The following FHIP2A variants were observed in gnomAD, a reference collection of about 807,000 sequenced individuals.
FHIP2A encodes the protein FHF complex subunit HOOK interacting protein 2A.
FHIP2A carries 46 observed loss-of-function variants against 93.5 expected under a neutral mutation model. That is an observed-to-expected ratio of 0.49 (90% CI 0.39 to 0.63). FHIP2A has a LOEUF of 0.63. FHIP2A is among the 20% of genes least tolerant of loss of function. The pLI is 0.00. For synonymous variants in FHIP2A, 332 were observed against 326.5 expected (o/e 1.02, Z -0.18); for missense variants, 769 against 909.7 (o/e 0.85, Z 1.99).
intron 8 of FHIP2A, 40 bp downstream of exon 8, chr10:114,845,521 T>A: frequency 2.5e-6 from 3 of 1,216,008 alleles, no homozygotes; most frequent in South Asian, 1.3e-5. Context: ...TTTTAAGATA[T>A]AAATATCTAT....
Position 114,861,884 on chromosome 10 carries a change from C to A in FHIP2A, c.*344C>A. On this transcript the variant is annotated 3_prime_UTR_variant, in exon 17 of 17. Coordinates refer to ENST00000369248, the MANE Select transcript of FHIP2A (RefSeq NM_020940.4). ...GATGATATTTCTGTTATATTAATGT[C>A]CTTTTAGGTAGCAAGGCATTTTGAC... The A allele has an allele frequency of 1.0e-6, 1 of 993,898 alleles. No individual in the cohort carries two copies. The highest frequency in any genetic ancestry group is 1.2e-6 in the Non-Finnish European group (1 of 835,446). 61.6% of individuals were successfully genotyped at this position (993,898 alleles called of 1,614,324 possible).
chr10:114,885,233 A>G (rs955839415), intron 16 of FHIP2A, among the ~76,000 whole-genome samples: 27 of 152,000 alleles, frequency 1.8e-4, no homozygotes, highest in Non-Finnish European at 3.2e-4. Context: ...CGTCTCTACT[A>G]AAAATACAAA....
At chr10:114,870,183 T>TA (rs2083850179) in intron 16 of FHIP2A, among the ~76,000 whole-genome samples, 1 of 152,180 alleles carries the variant, frequency 6.6e-6, no homozygotes, top group African/African-American at 2.4e-5. Context: ...ATTCAACTAA[T>TA]ACCATTAACT....
chr10:114,839,979 A>G (rs895419049), intron 5 of FHIP2A, among the ~76,000 whole-genome samples: 1 of 152,184 alleles, frequency 6.6e-6, no homozygotes, highest in African/African-American at 2.4e-5. Flanking sequence ...ACTGTAATCT[A>G]AAGTAGAGTA....
chr10:114,839,008 C>A (rs893699341), intron 5 of FHIP2A, among the ~76,000 whole-genome samples: 1 of 152,206 alleles, frequency 6.6e-6, no homozygotes, highest in Non-Finnish European at 1.5e-5. Context: ...TCCTTGAGGA[C>A]AAGGATTCTG....
intron 13 of FHIP2A, among the ~76,000 whole-genome samples, chr10:114,854,184 T>A (rs2083753278): frequency 6.6e-6 from 1 of 151,336 alleles, no homozygotes; most frequent in Admixed American, 6.6e-5. Context: ...CCAACACTTT[T>A]GTAAAATGCA....
rs573478950 is a variant in FHIP2A at position 114,888,353 on chromosome 10, G to A, written c.2193-11137G>A. On this transcript the variant is annotated intron_variant, in intron 16 of 16. Coordinates refer to the FHIP2A transcript ENST00000369250. ...CCCTAATCTAGACTTGGAGGGAGAC[G>A]GGAGGCTGCTCAAAAGAAGTGAAAT... 1.3e-4 allele frequency among the ~76,000 whole-genome samples: 20 copies of A among 152,256 alleles called. No homozygotes were observed. The South Asian group carries it at 3.7e-3, about 28-fold the overall frequency.
chr10:114,833,388 T>C lies in FHIP2A; in HGVS notation c.280T>C (p.Leu94=), dbSNP rs756417022. ...HHKILETLYT[L]GKADCPPGMK... Reference sequence around the variant, plus strand: ...CAAGATCTTGGAAACATTATATACCTTGGGGAAAGCTGATGTAAGTTCCTG... The same window carrying C: ...CAAGATCTTGGAAACATTATATACCCTGGGGAAAGCTGATGTAAGTTCCTG... Residue 94 remains leucine (L), a synonymous_variant, in exon 3 of 17, where the codon TTG becomes CTG. Transcript: ENST00000369248. 1 of 1,613,884 alleles carries C rather than the reference T, an allele frequency of 6.2e-7. No individual in the cohort carries two copies. Among genetic ancestry groups the C allele is most frequent in the Non-Finnish European group, 8.5e-7 (1 of 1,179,890 alleles).
chr10:114,832,107 A>T (rs2083611370), intron 2 of FHIP2A, among the ~76,000 whole-genome samples: 1 of 152,244 alleles, frequency 6.6e-6, no homozygotes, highest in Non-Finnish European at 1.5e-5. Flanking sequence ...TGTATTTTGT[A>T]TTTAAATGTT....
At chr10:114,864,724 ATGTTTTTGT>A, downstream of FHIP2A, 1 of 978,386 alleles carries the variant, frequency 1.0e-6, no homozygotes, top group South Asian at 4.7e-5. Context: ...AAAACGTCTT[ATGTTTTTGT>A]AAAATTCTAA....
At position 114,863,607 on chromosome 10, in the gene FHIP2A, A is replaced by G; in HGVS notation, c.*2067A>G. ...AAGGCTTAAGATTTCATTTGTTTCT[A>G]AGTTTCTGTTTTTCATCCCTTCTTT... On this transcript the variant is annotated 3_prime_UTR_variant, in exon 17 of 17. Coordinates refer to ENST00000369248, the MANE Select transcript of FHIP2A (RefSeq NM_020940.4). 1 of 1,270,054 alleles carries G rather than the reference A, an allele frequency of 7.9e-7. No homozygotes were observed. Among genetic ancestry groups the G allele is most frequent in the Non-Finnish European group, 1.0e-6 (1 of 980,108 alleles). The allele number at this position is 1,270,054 out of a possible 1,614,324, so 78.7% of individuals were successfully genotyped here.
intron 1 of FHIP2A, among the ~76,000 whole-genome samples, chr10:114,830,270 CTTT>C (rs5788083): frequency 3.8e-5 from 4 of 105,474 alleles, no homozygotes; most frequent in Non-Finnish European, 7.6e-5. Context: ...CTGAAACCTA[CTTT>C]TTTTTTTTTT....
At chr10:114,837,090 G>C (rs2083640503) in intron 5 of FHIP2A, among the ~76,000 whole-genome samples, 1 of 151,954 alleles carries the variant, frequency 6.6e-6, no homozygotes, top group Non-Finnish European at 1.5e-5. Flanking sequence ...TTTTTGTAGA[G>C]ACAGTGTCTC....
chr10:114,873,707 G>T (rs1208630314), intron 16 of FHIP2A, among the ~76,000 whole-genome samples: 2 of 152,236 alleles, frequency 1.3e-5, no homozygotes, highest in South Asian at 4.2e-4. Flanking sequence ...TGCTCAAATT[G>T]TTCCAGCTTT....
chr10:114,825,537 A>C (rs1046696890), intron 1 of FHIP2A, among the ~76,000 whole-genome samples: 1 of 152,352 alleles, frequency 6.6e-6, no homozygotes, highest in South Asian at 2.1e-4. Flanking sequence ...ATAAGTTCAC[A>C]CCTTCTTGAT....
intron 16 of FHIP2A, among the ~76,000 whole-genome samples, chr10:114,876,913 C>T (rs2083892314): frequency 6.6e-6 from 1 of 152,218 alleles, no homozygotes; most frequent in Non-Finnish European, 1.5e-5. Context: ...CCCTCCTAAA[C>T]CCTGTAACTA....
rs541927540 is a variant in FHIP2A, at chr10:114,846,678, G to T, written c.1518G>T (p.Leu506Phe). 1 of 1,609,490 alleles carries T rather than the reference G, an allele frequency of 6.2e-7. No individual in the cohort carries two copies. The highest frequency in any genetic ancestry group is 1.7e-5 in the Admixed American group (1 of 58,982). ...EERNYTEYKP[L>F]CPEDKDVVEN... ...GAAATTATACAGAATATAAACCTTTGTGCCCAGAAGATAAAGATGTGGTAG... is the reference window on the plus strand; with the variant it reads ...GAAATTATACAGAATATAAACCTTTTTGCCCAGAAGATAAAGATGTGGTAG... The change falls in exon 11 of 17, where the codon TTG becomes TTT. Residue 506 changes from leucine (L) to phenylalanine (F), a missense_variant. Leu to Phe is a conservative substitution (Grantham distance 22, BLOSUM62 0). Transcript: ENST00000369248.
intron 2 of FHIP2A, among the ~76,000 whole-genome samples, chr10:114,832,784 TCACTG>T (rs1214978691): frequency 6.6e-6 from 1 of 150,824 alleles, no homozygotes; most frequent in Non-Finnish European, 1.5e-5. Flanking sequence ...CGATCTCTGC[TCACTG>T]CAGCCTCCAC....
intron 16 of FHIP2A, among the ~76,000 whole-genome samples, chr10:114,890,355 G>A (rs1287388305): frequency 6.6e-6 from 1 of 151,790 alleles, no homozygotes; most frequent in East Asian, 1.9e-4. Context: ...GAAATTACTT[G>A]TGGAGTTTGA....
Sources: allele counts gnomAD v4.1 joint callset (sites outside exome capture counted in the v4.1 genomes callset), GRCh38; gene constraint gnomAD v4.1.1; transcripts MANE v1.5; gene names NCBI Gene and HGNC (gene_info 2026-07-23, HGNC 2026-07-21).